ASTN1: variants seen among roughly 807,000 people sequenced by gnomAD.
ASTN1 encodes astrotactin-1.
In ASTN1, 41 loss-of-function variants were observed where a neutral mutation model predicts 140.7. The observed-to-expected ratio is 0.29, with a 90% CI of 0.23 to 0.38. ASTN1 has a LOEUF of 0.38. Among genes scored for constraint, ASTN1 ranks in the 10% least tolerant of loss-of-function variants. The pLI, the probability that ASTN1 is intolerant of heterozygous loss-of-function variation, is 1.00. For synonymous variants in ASTN1, 640 were observed against 652.2 expected (o/e 0.98, Z 0.29); for missense variants, 1,479 against 1,678.8 (o/e 0.88, Z 2.08).
chr1:177,107,816 G>A (rs1680623631), intron 1 of ASTN1, among the ~76,000 whole-genome samples: 1 of 152,088 alleles, frequency 6.6e-6, no homozygotes, highest in Non-Finnish European at 1.5e-5. Context: ...TTCAATTGGA[G>A]TATATCATCT....
At chr1:177,020,621 T>G (rs1311774106) in intron 7 of ASTN1, among the ~76,000 whole-genome samples, 1 of 152,236 alleles carries the variant, frequency 6.6e-6, no homozygotes, top group Non-Finnish European at 1.5e-5. Context: ...CCATTCCATA[T>G]GCATCACTAA....
intron 1 of ASTN1, among the ~76,000 whole-genome samples, chr1:177,154,778 C>G (rs554489389): frequency 9.2e-5 from 14 of 151,374 alleles, no homozygotes; most frequent in African/African-American, 2.4e-4. Flanking sequence ...ATAGGCAAAT[C>G]AATAAACGAC....
At chr1:176,868,509 A>C (rs942689553) in intron 22 of ASTN1, among the ~76,000 whole-genome samples, 11 of 152,230 alleles carry the variant, frequency 7.2e-5, no homozygotes, top group African/African-American at 2.4e-4. Flanking sequence ...TCTTTAATAA[A>C]ATTCCAAATT....
At chr1:177,054,037 G>A (rs1677673872) in intron 2 of ASTN1, among the ~76,000 whole-genome samples, 1 of 152,158 alleles carries the variant, frequency 6.6e-6, no homozygotes, top group Non-Finnish European at 1.5e-5. Flanking sequence ...ATCAAAAGTT[G>A]GTGAAATGAC....
At chr1:176,957,443 AT>A (rs1374089161) in intron 11 of ASTN1, among the ~76,000 whole-genome samples, 1 of 152,062 alleles carries the variant, frequency 6.6e-6, no homozygotes, top group Non-Finnish European at 1.5e-5. Context: ...TTATCAACTA[AT>A]TTTTTCTTGA....
intron 8 of ASTN1, among the ~76,000 whole-genome samples, chr1:176,987,415 T>C (rs1226956027): frequency 6.6e-6 from 1 of 152,208 alleles, no homozygotes; most frequent in Non-Finnish European, 1.5e-5. Flanking sequence ...CCTGATCTAA[T>C]GCCTCCTGTG....
intron 7 of ASTN1, among the ~76,000 whole-genome samples, chr1:177,021,534 TTCATGATAAATAAAACACAGAC>T (rs1675824723): frequency 6.6e-6 from 1 of 152,210 alleles, no homozygotes. Flanking sequence ...CTTTGCAGAT[TTCATGATAAATAAAACACAGAC>T]TCTGCTTTAG....
chr1:176,897,570 G>GA (rs79077210), intron 16 of ASTN1, among the ~76,000 whole-genome samples: 68 of 149,348 alleles, frequency 4.6e-4, no homozygotes, highest in South Asian at 1.3e-3. Flanking sequence ...TGAGCGGGAG[G>GA]AAAAAAAAAT....
intron 7 of ASTN1, among the ~76,000 whole-genome samples, chr1:177,020,073 G>A (rs535092641): frequency 6.6e-6 from 1 of 152,050 alleles, no homozygotes; most frequent in Admixed American, 6.6e-5. Context: ...TTTTATTAGA[G>A]ATGGGGTTTA....
chr1:176,925,237 G>A (rs1204889764), intron 16 of ASTN1, among the ~76,000 whole-genome samples: 2 of 152,078 alleles, frequency 1.3e-5, no homozygotes, highest in African/African-American at 2.4e-5. Flanking sequence ...ACATAACCCC[G>A]GAGACCACCG....
chr1:176,884,358 G>T lies in ASTN1; in HGVS notation c.3207C>A (p.Asp1069Glu). The T allele has an allele frequency of 6.2e-7, 1 of 1,614,038 alleles. No individual in the cohort carries two copies. The highest frequency in any genetic ancestry group is 2.2e-5 in the East Asian group (1 of 44,896). ...GCTCACCTGTCTCCACTTTGGAGTGGTCCATCCTGTCAGTGACTTTCTCTT... is the reference window on the plus strand; with the variant it reads ...GCTCACCTGTCTCCACTTTGGAGTGTTCCATCCTGTCAGTGACTTTCTCTT... ...LRQEKVTDRM[D>E]HSKVETETVL... The change falls in exon 19 of 23, where the codon GAC becomes GAA. Residue 1069 changes from aspartate to glutamate, a missense_variant. By Grantham distance (45) the Asp-to-Glu change is conservative. This residue lies in a region of ASTN1 where 746 missense variants were observed against 800.9 expected (regional missense o/e 0.93). Coordinates refer to ENST00000361833, the MANE Select transcript of ASTN1 (RefSeq NM_004319.3).
chr1:177,143,075 C>T (rs1325529357), intron 1 of ASTN1, among the ~76,000 whole-genome samples: 1 of 152,166 alleles, frequency 6.6e-6, no homozygotes, highest in Non-Finnish European at 1.5e-5. Flanking sequence ...ATCTCAACCC[C>T]TAAAGAGCTA....
chr1:177,060,885 T>G (rs1007776913), intron 2 of ASTN1, among the ~76,000 whole-genome samples, 193 bp downstream of exon 2: 1 of 152,220 alleles, frequency 6.6e-6, no homozygotes, highest in African/African-American at 2.4e-5. Context: ...GGAATGGTAC[T>G]GTTAGAAATA....
chr1:177,132,382 T>C (rs920549963), intron 1 of ASTN1, among the ~76,000 whole-genome samples: 4 of 152,186 alleles, frequency 2.6e-5, no homozygotes, highest in Non-Finnish European at 4.4e-5. Flanking sequence ...GAAGTCATCA[T>C]AGAGGAATGA....
At chr1:176,899,051 G>A (rs1247767792) in intron 16 of ASTN1, among the ~76,000 whole-genome samples, 1 of 152,214 alleles carries the variant, frequency 6.6e-6, no homozygotes, top group Non-Finnish European at 1.5e-5. Context: ...CCGGAGTCCA[G>A]TCAGGACACT....
chr1:177,109,408 G>T (rs756852661), intron 1 of ASTN1, among the ~76,000 whole-genome samples: 2 of 151,974 alleles, frequency 1.3e-5, no homozygotes, highest in Non-Finnish European at 2.9e-5. Context: ...TTTTAAGGGA[G>T]AGAAATCACA....
chr1:177,032,811 C>A lies in ASTN1; in HGVS notation c.510G>T (p.Leu170=). The change falls in exon 3 of 23, where the codon CTG becomes CTT. Residue 170 remains leucine (L), a synonymous_variant. Coordinates refer to ENST00000361833, the MANE Select transcript of ASTN1 (RefSeq NM_004319.3). The part of the protein sequence containing the change: ...MIALLLSILC[L]VMILYTRRRW... The stretch of plus-strand genomic sequence containing the variant: ...GCCGGCGAGTATACAGGATCATCAC[C>A]AGGCACAAGATGGACAGCAGCAGAG... The A allele has an allele frequency of 6.2e-7, 1 of 1,610,888 alleles. No individual in the cohort carries two copies. The highest frequency in any genetic ancestry group is 8.5e-7 in the Non-Finnish European group (1 of 1,179,162).
At chr1:176,936,168 A>ACATC in intron 15 of ASTN1, 98 bp downstream of exon 15, 1 of 1,026,056 alleles carries the variant, frequency 9.7e-7, no homozygotes, top group Non-Finnish European at 1.5e-6. Context: ...GCTACATTTT[A>ACATC]GGCTGCATCT....
At chr1:177,151,818 G>T (rs1170222077) in intron 1 of ASTN1, among the ~76,000 whole-genome samples, 1 of 152,106 alleles carries the variant, frequency 6.6e-6, no homozygotes, top group Non-Finnish European at 1.5e-5. Context: ...TAACTCTGTA[G>T]CCCATATGTG....
Sources: gnomAD v4.1 joint callset for allele counts (sites outside exome capture counted in the v4.1 genomes callset) on GRCh38, gnomAD v4.1.1 for gene constraint, gnomAD v4.1.1 regional missense constraint, MANE v1.5 for transcripts, NCBI Gene and HGNC (gene_info 2026-07-23, HGNC 2026-07-21) for gene names.